Variants in BCAS4 observed in about 807,000 individuals in gnomAD.
The protein encoded by BCAS4 is breast carcinoma-amplified sequence 4.
Under a neutral mutation model 15.7 loss-of-function variants are expected in BCAS4, and 9 were observed. The ratio of observed to expected loss-of-function variants is 0.57; its 90% CI spans 0.34 to 1.00. The LOEUF is 1.00. Ranked by LOEUF, BCAS4 falls within the 50% of genes least tolerant of loss-of-function variation. BCAS4 has a pLI of 0.02. For synonymous variants in BCAS4, 101 were observed against 99.5 expected (o/e 1.02, Z -0.09); for missense variants, 225 against 239.1 (o/e 0.94, Z 0.39).
intron 4 of BCAS4, 133 bp downstream of exon 4, chr20:50,842,033 C>A: frequency 8.7e-7 from 1 of 1,151,436 alleles, no homozygotes; most frequent in Non-Finnish European, 1.2e-6. Flanking sequence ...GAAACGGGTA[C>A]AGGCGGCCAG....
chr20:50,866,420 G>A (rs1169460853), intron 4 of BCAS4, among the ~76,000 whole-genome samples: 5 of 152,232 alleles, frequency 3.3e-5, no homozygotes, highest in African/African-American at 1.2e-4. Flanking sequence ...ACCAGACAGC[G>A]CATGTCGTGG....
intron 1 of BCAS4, among the ~76,000 whole-genome samples, chr20:50,797,887 A>G (rs1600840624): frequency 6.6e-6 from 1 of 151,384 alleles, no homozygotes; most frequent in African/African-American, 2.4e-5. Flanking sequence ...CTGGTCTCGA[A>G]CTCCTAGCCT....
chr20:50,845,641 C>T (rs913735050), intron 4 of BCAS4, among the ~76,000 whole-genome samples: 1 of 152,358 alleles, frequency 6.6e-6, no homozygotes, highest in South Asian at 2.1e-4. Context: ...GAGGCCTCCC[C>T]CGACCCCAGG....
chr20:50,817,044 G>A (rs898359061), intron 1 of BCAS4, among the ~76,000 whole-genome samples: 1 of 150,782 alleles, frequency 6.6e-6, no homozygotes, highest in African/African-American at 2.4e-5. Flanking sequence ...CTCGTGATCT[G>A]CCCGCCTCAG....
intron 3 of BCAS4, among the ~76,000 whole-genome samples, chr20:50,833,249 G>C (rs2088365430): frequency 6.6e-6 from 1 of 152,192 alleles, no homozygotes; most frequent in Non-Finnish European, 1.5e-5. Flanking sequence ...TCGGACCCCA[G>C]TGGGGCCGAA....
chr20:50,807,729 T>G (rs2088009143), intron 1 of BCAS4, among the ~76,000 whole-genome samples: 1 of 152,166 alleles, frequency 6.6e-6, no homozygotes, highest in South Asian at 2.1e-4. Context: ...TCCTCATAGC[T>G]TAGCTCTCAC....
At chr20:50,814,542 C>T (rs1261929964) in intron 1 of BCAS4, among the ~76,000 whole-genome samples, 1 of 152,244 alleles carries the variant, frequency 6.6e-6, no homozygotes. Context: ...GCCTCAGCCT[C>T]CCAGCGTTGG....
At chr20:50,837,999 T>TACACAC (rs35171200) in intron 3 of BCAS4, among the ~76,000 whole-genome samples, 2 of 143,678 alleles carry the variant, frequency 1.4e-5, no homozygotes, top group Non-Finnish European at 1.5e-5. Flanking sequence ...CATCTGCACA[T>TACACAC]ACACACACAC....
At chr20:50,816,779 C>T (rs2088142560) in intron 1 of BCAS4, among the ~76,000 whole-genome samples, 1 of 148,098 alleles carries the variant, frequency 6.8e-6, no homozygotes, top group Admixed American at 6.8e-5. Flanking sequence ...CATGCACCAC[C>T]ATGCCTGGCT....
chr20:50,837,191 C>G (rs1830915684), intron 3 of BCAS4, among the ~76,000 whole-genome samples: 1 of 152,190 alleles, frequency 6.6e-6, no homozygotes, highest in African/African-American at 2.4e-5. Flanking sequence ...CACAGGTGGG[C>G]AGTGGTAGAA....
rs144775379 is a variant in BCAS4 at position 50,867,545 on chromosome 20, A to G, written c.400-8941A>G. On this transcript the variant is annotated intron_variant, in intron 4 of 4. Coordinates refer to ENST00000371608, the MANE Select transcript of BCAS4 (RefSeq NM_198799.4). ...TGGGTTTTGGGTTTTGTCTGTAGAG[A>G]TGGGGTCTCCCTGTGTTGCCCAGGC... Among the ~76,000 whole-genome samples, 23 of 152,072 alleles carry G rather than the reference A, an allele frequency of 1.5e-4. No homozygotes were observed. In the East Asian group the frequency reaches 4.3e-3, roughly 28 times the overall value.
chr20:50,855,008 G>A (rs965404836), intron 4 of BCAS4, among the ~76,000 whole-genome samples: 4 of 152,208 alleles, frequency 2.6e-5, no homozygotes, highest in Admixed American at 2.6e-4. Flanking sequence ...GGGTGGCCGG[G>A]TTCGTGGTGT....
intron 2 of BCAS4, among the ~76,000 whole-genome samples, chr20:50,826,798 G>C (rs984827239): frequency 2.6e-5 from 4 of 152,034 alleles, no homozygotes; most frequent in Non-Finnish European, 5.9e-5. Context: ...GTGAAACCCT[G>C]TCTCTACAAA....
At chr20:50,842,644 C>A (rs1047414540) in intron 4 of BCAS4, among the ~76,000 whole-genome samples, 11 of 152,146 alleles carry the variant, frequency 7.2e-5, no homozygotes, top group African/African-American at 2.7e-4. Flanking sequence ...TCTCGAAGTC[C>A]TGACCTCAGG....
chr20:50,829,271 T>C (rs1440793851), intron 2 of BCAS4, among the ~76,000 whole-genome samples: 1 of 151,960 alleles, frequency 6.6e-6, no homozygotes, highest in Non-Finnish European at 1.5e-5. Flanking sequence ...GAGATGGAGT[T>C]TCACTCTGTC....
At chr20:50,865,981 G>A (rs1979336452) in intron 4 of BCAS4, among the ~76,000 whole-genome samples, 1 of 152,146 alleles carries the variant, frequency 6.6e-6, no homozygotes, top group Admixed American at 6.5e-5. Context: ...GACATAGCAG[G>A]GCACCCAGGA....
intron 1 of BCAS4, among the ~76,000 whole-genome samples, chr20:50,797,505 G>A (rs905783184): frequency 2.0e-5 from 3 of 151,872 alleles, no homozygotes; most frequent in African/African-American, 7.3e-5. Context: ...GACCAGTCTG[G>A]GCAACGCAGG....
intron 3 of BCAS4, among the ~76,000 whole-genome samples, chr20:50,835,537 C>T (rs1218720438): frequency 2.0e-5 from 3 of 152,130 alleles, no homozygotes; most frequent in Non-Finnish European, 2.9e-5. Context: ...AGCCACCATG[C>T]CTGGCCTACT....
chr20:50,876,775 C>T lies in BCAS4; in HGVS notation c.*167C>T, dbSNP rs1456602849. 31 of 874,564 alleles carry T rather than the reference C, an allele frequency of 3.5e-5. No individual in the cohort carries two copies. Among genetic ancestry groups the T allele is most frequent in the Middle Eastern group, 4.1e-4 (1 of 2,450 alleles). The allele number at this position is 874,564 out of a possible 1,614,324, so 54.2% of individuals were successfully genotyped here. On this transcript the variant is annotated 3_prime_UTR_variant, in exon 5 of 5. Coordinates refer to ENST00000371608, the MANE Select transcript of BCAS4 (RefSeq NM_198799.4). ...TCCAGACTGATCTCAAACTCCTGGG[C>T]TCAAGTGATCCACCCACCTTGGCCT...
Sources: gnomAD v4.1 joint callset for allele counts (sites outside exome capture counted in the v4.1 genomes callset) on GRCh38, gnomAD v4.1.1 for gene constraint, MANE v1.5 for transcripts, NCBI Gene and HGNC (gene_info 2026-07-23, HGNC 2026-07-21) for gene names.